Variants in CARS2 observed in about 807,000 individuals in gnomAD.
The protein encoded by CARS2 is cysteinyl-tRNA synthetase 2, mitochondrial.
CARS2 carries 52 observed loss-of-function variants against 68.8 expected under a neutral mutation model. The ratio of observed to expected loss-of-function variants is 0.76; its 90% CI spans 0.61 to 0.95. CARS2 has a LOEUF of 0.95. Among genes scored for constraint, CARS2 ranks in the 40% least tolerant of loss-of-function variants. The pLI is 0.00. For synonymous variants in CARS2, 314 were observed against 303.6 expected, an observed-to-expected ratio of 1.03 and a Z score of -0.36; for missense variants, 780 against 754.2, an observed-to-expected ratio of 1.03 and a Z score of -0.40.
chr13:110,674,221 A>T (rs945156226), intron 7 of CARS2, among the ~76,000 whole-genome samples: 3 of 152,192 alleles, frequency 2.0e-5, no homozygotes, highest in Non-Finnish European at 4.4e-5. Context: ...TTTAAAGTTC[A>T]TATGGTTTAA....
rs554689578 is a variant in CARS2 at position 110,679,830 on chromosome 13, C to T, written c.656-2727G>A. Among the ~76,000 whole-genome samples the T allele has an allele frequency of 3.9e-5, 6 of 152,196 alleles. No individual in the cohort carries two copies. In the East Asian group the frequency reaches 1.2e-3, roughly 29 times the overall value. On this transcript the variant is annotated intron_variant, in intron 6 of 14. Coordinates refer to ENST00000257347, the MANE Select transcript of CARS2 (RefSeq NM_024537.4). ...ACAACAGGGCTGAGTGTAAGGGACT[C>T]GGGAGTAGCTGCTACCAGCAAAAGA...
At position 110,705,993 on chromosome 13, in the gene CARS2, G is replaced by C. The variant is rs567317952; in HGVS notation, c.101C>G (p.Ala34Gly). 6 of 1,500,078 alleles carry C rather than the reference G, an allele frequency of 4.0e-6. No homozygotes were observed. The East Asian group carries it at 1.6e-4, about 40-fold the overall frequency. The allele number at this position is 1,500,078 out of a possible 1,614,324, so 92.9% of individuals were successfully genotyped here. A position where few individuals can be genotyped will look rare whatever the true frequency, so the allele number is the denominator to read the frequency against. The change falls in exon 1 of 15, where the codon GCG (alanine) becomes GGG (glycine). Residue 34 changes from alanine to glycine, a missense_variant. Coordinates refer to ENST00000257347, the MANE Select transcript of CARS2 (RefSeq NM_024537.4). The surrounding 1 kb of genome is among the most constrained non-coding windows in gnomAD (Gnocchi z 4.0). ...CCAGGCCCGCCCGCGCCCCCCGCTC[G>C]CCGCCCGGCCCGCAGGCCAGTGCCA... ...AGWHWPAGRAASGGRGRAWLQ... is the reference protein window; with the variant it reads ...AGWHWPAGRAGSGGRGRAWLQ...
rs2062768299 is a variant in CARS2 at position 110,670,358 on chromosome 13, T to C, written c.786-2885A>G. On this transcript the variant is annotated intron_variant, in intron 7 of 14. Transcript: ENST00000257347. This position sits in a 1 kb window ranked among gnomAD's most constrained non-coding sequence, Gnocchi z 4.1. ...AGCCAGGTGCCCTCTGAGACGAAGC[T>C]TCCAGAGGAAGGATCATGCAGCAAC... Among the ~76,000 whole-genome samples the C allele has an allele frequency of 6.6e-6, 1 of 152,174 alleles. No homozygotes were observed. Among genetic ancestry groups the C allele is most frequent in the African/African-American group, 2.4e-5 (1 of 41,422 alleles).
At chr13:110,643,348 C>A (rs7324648) in intron 13 of CARS2, 9,590 of 156,236 alleles carry the variant, frequency 0.061, 336 homozygotes, top group Middle Eastern at 0.11. Context: ...TCATCTCACA[C>A]CAGTCGACTT....
upstream of CARS2, chr13:110,706,506 A>C (rs1272121056): frequency 1.3e-5 from 2 of 155,578 alleles, no homozygotes; most frequent in African/African-American, 4.8e-5. Flanking sequence ...CTGGCCTGTT[A>C]GCGAAGCACG....
intron 14 of CARS2, 74 bp from the exon 15 acceptor site, chr13:110,641,682 C>A: frequency 8.0e-7 from 1 of 1,249,450 alleles, no homozygotes. Flanking sequence ...CAGGCGTAAT[C>A]AGGTTCAGGG....
intron 3 of CARS2, chr13:110,697,903 T>C: frequency 2.2e-6 from 1 of 451,570 alleles, no homozygotes; most frequent in South Asian, 1.6e-5. Context: ...CAATAGAAAA[T>C]AGGAAGACAG....
chr13:110,693,096 C>A (rs1327290848), intron 3 of CARS2, among the ~76,000 whole-genome samples: 2 of 108,438 alleles, frequency 1.8e-5, no homozygotes, highest in African/African-American at 3.8e-5. Flanking sequence ...GGTGACAGAG[C>A]GAGACTCTGT....
At position 110,642,376 on chromosome 13, in the gene CARS2, G is replaced by T; in HGVS notation, c.1562C>A (p.Pro521His). The change falls in exon 14 of 15, where the codon CCC (proline) becomes CAC (histidine). Residue 521 changes from proline to histidine, a missense_variant. Pro to His is a moderately conservative substitution (Grantham distance 77). Coordinates refer to ENST00000257347, the MANE Select transcript of CARS2 (RefSeq NM_024537.4). The stretch of plus-strand genomic sequence containing the variant: ...CAGGGTGTCGCATGCTTCCAGCAGG[G>T]GCTGCCTTTCTAGGAGCTGCTGCCG... ...ARRQQLLERQ[P>H]LLEACDTLRR... 6.4e-7 allele frequency: 1 copy of T among 1,561,288 alleles called. No individual in the cohort carries two copies. The highest frequency in any genetic ancestry group is 8.7e-7 in the Non-Finnish European group (1 of 1,152,408).
At chr13:110,646,770 G>A (rs1888177582) in intron 11 of CARS2, 1 of 258,834 alleles carries the variant, frequency 3.9e-6, no homozygotes, top group Non-Finnish European at 7.4e-6. Flanking sequence ...CACACTTCCT[G>A]CCAGCGCCGT....
At chr13:110,700,459 C>A (rs866401453) in intron 3 of CARS2, among the ~76,000 whole-genome samples, 1 of 152,152 alleles carries the variant, frequency 6.6e-6, no homozygotes, top group Non-Finnish European at 1.5e-5. Flanking sequence ...AGAGGGGAGG[C>A]GGCCTGGTGG....
chr13:110,701,841 T>C (rs1009501711), intron 2 of CARS2, among the ~76,000 whole-genome samples: 3 of 152,242 alleles, frequency 2.0e-5, no homozygotes, highest in Non-Finnish European at 2.9e-5. Flanking sequence ...GTCTATTTAA[T>C]TGTATAAAAA....
Position 110,712,906 on chromosome 13 carries a change from A to T in CARS2, n.399+231T>A, listed in dbSNP as rs1167427370. 5.2e-6 allele frequency: 8 copies of T among 1,529,964 alleles called. No individual in the cohort carries two copies. In the East Asian group the frequency reaches 1.9e-4, roughly 37 times the overall value. 94.8% of individuals were successfully genotyped at this position (1,529,964 alleles called of 1,614,324 possible). On this transcript the variant is annotated intron_variant and non_coding_transcript_variant, in intron 1 of 2. Transcript: ENST00000485188. ...GAGTACCGGGAGACGACACAAAGGGAGGGCGGTGACGGATGGCGCAGGCGC... is the reference window on the plus strand; with the variant it reads ...GAGTACCGGGAGACGACACAAAGGGTGGGCGGTGACGGATGGCGCAGGCGC...
At chr13:110,713,075 T>C (rs536210039) in intron 1 of CARS2, 41 of 1,446,072 alleles carry the variant, frequency 2.8e-5, no homozygotes, top group Non-Finnish European at 3.5e-5. Flanking sequence ...GGCCCTCCCC[T>C]TCCTTCCGCC....
intron 1 of CARS2, chr13:110,712,761 A>T (rs1228738190): frequency 3.0e-5 from 21 of 705,266 alleles, no homozygotes; most frequent in Admixed American, 1.2e-4. Context: ...TCCATGACAC[A>T]GGGCGGGAAG....
chr13:110,651,549 C>G (rs1014232196), intron 9 of CARS2, among the ~76,000 whole-genome samples: 2 of 152,224 alleles, frequency 1.3e-5, no homozygotes, highest in Admixed American at 1.3e-4. Context: ...CCCGGCTGAC[C>G]TCCAGCTCAG....
At chr13:110,642,723 T>C (rs1169514150) in intron 13 of CARS2, 3 of 758,036 alleles carry the variant, frequency 4.0e-6, no homozygotes, top group Admixed American at 3.5e-5. Context: ...CACTCAACTC[T>C]GAGCATCTGT....
At chr13:110,713,062 C>T (rs761089147) in intron 1 of CARS2, 28 of 1,453,036 alleles carry the variant, frequency 1.9e-5, no homozygotes, top group South Asian at 1.1e-4. Context: ...TCCGCCCGTG[C>T]CCGGCCCTCC....
chr13:110,690,158 C>A (rs1299063637), intron 3 of CARS2, among the ~76,000 whole-genome samples: 2 of 152,116 alleles, frequency 1.3e-5, no homozygotes, highest in Non-Finnish European at 2.9e-5. Flanking sequence ...AACCCAGGAA[C>A]TGGAGGTTGC....
Sources: allele counts gnomAD v4.1 joint callset (sites outside exome capture counted in the v4.1 genomes callset), GRCh38; gene constraint gnomAD v4.1.1; non-coding constraint Gnocchi (gnomAD v3.1); transcripts MANE v1.5; gene names NCBI Gene and HGNC (gene_info 2026-07-23, HGNC 2026-07-21).